TAFA1: variants seen among roughly 807,000 people sequenced by gnomAD.
The protein encoded by TAFA1 is TAFA chemokine like family member 1, also known as chemokine-like protein TAFA-1.
In TAFA1, 4 loss-of-function variants were observed where a neutral mutation model predicts 18.5. The observed-to-expected ratio is 0.22, with a 90% CI of 0.11 to 0.49. The LOEUF (loss-of-function observed/expected upper bound fraction) is 0.49, where lower values mean the gene tolerates loss of function less well. Ranked by LOEUF, TAFA1 falls within the 20% of genes least tolerant of loss-of-function variation. The pLI, the probability that TAFA1 is intolerant of heterozygous loss-of-function variation, is 0.98. For missense variants in TAFA1, 147 were observed against 169.0 expected, an observed-to-expected ratio of 0.87 and a Z score of 0.72; for synonymous variants, 56 against 55.2, an observed-to-expected ratio of 1.01 and a Z score of -0.06.
At chr3:68,110,615 G>C (rs1416611213) in intron 2 of TAFA1, among the ~76,000 whole-genome samples, 1 of 152,112 alleles carries the variant, frequency 6.6e-6, no homozygotes, top group Non-Finnish European at 1.5e-5. Context: ...TGGAAACCAG[G>C]AGGCAAGGTA....
At chr3:68,173,135 TA>T (rs991031160) in intron 2 of TAFA1, among the ~76,000 whole-genome samples, 7 of 151,938 alleles carry the variant, frequency 4.6e-5, no homozygotes, top group African/African-American at 1.7e-4. Context: ...AATGATTATG[TA>T]AAAAAGCTAC....
chr3:68,449,457 A>G (rs2071531835), intron 3 of TAFA1, among the ~76,000 whole-genome samples: 1 of 152,196 alleles, frequency 6.6e-6, no homozygotes, highest in Non-Finnish European at 1.5e-5. Context: ...TCTTCTAAGT[A>G]GGTGATTTAC....
At chr3:68,169,972 C>A (rs1302360515) in intron 2 of TAFA1, among the ~76,000 whole-genome samples, 6 of 152,130 alleles carry the variant, frequency 3.9e-5, no homozygotes, top group Admixed American at 3.9e-4. Context: ...AAGTACTCCC[C>A]AAAATCTGCT....
intron 2 of TAFA1, among the ~76,000 whole-genome samples, chr3:68,356,783 T>C (rs1391596063): frequency 4.6e-5 from 7 of 152,002 alleles, no homozygotes; most frequent in Non-Finnish European, 4.4e-5. Flanking sequence ...CATACACACA[T>C]ACATACATGC....
intron 2 of TAFA1, among the ~76,000 whole-genome samples, chr3:68,166,506 A>C (rs2065983450): frequency 6.6e-6 from 1 of 152,114 alleles, no homozygotes; most frequent in African/African-American, 2.4e-5. Flanking sequence ...CACCCCTAGA[A>C]AGGTAAAGCT....
intron 2 of TAFA1, among the ~76,000 whole-genome samples, chr3:68,200,137 T>C (rs527302311): frequency 4.0e-5 from 6 of 151,656 alleles, no homozygotes; most frequent in Admixed American, 3.9e-4. Context: ...ATGAATTATA[T>C]TAATTGATTT....
intron 2 of TAFA1, among the ~76,000 whole-genome samples, chr3:68,344,555 A>T (rs2069134922): frequency 6.6e-6 from 1 of 152,182 alleles, no homozygotes; most frequent in African/African-American, 2.4e-5. Context: ...TTAACATAGG[A>T]GTTCATTATT....
upstream of TAFA1, among the ~76,000 whole-genome samples, chr3:67,999,280 C>CT (rs1206118563): frequency 3.8e-4 from 57 of 149,870 alleles, no homozygotes; most frequent in Admixed American, 1.0e-3. Context: ...CCCCCCCCCC[C>CT]CTCTCTCTGT....
chr3:68,328,589 G>A (rs2068812517), intron 2 of TAFA1, among the ~76,000 whole-genome samples: 2 of 152,170 alleles, frequency 1.3e-5, no homozygotes, highest in Non-Finnish European at 2.9e-5. Flanking sequence ...CATTTTCCAG[G>A]GATTTGCATA....
At chr3:68,080,058 C>T (rs912922252) in intron 2 of TAFA1, among the ~76,000 whole-genome samples, 11 of 151,990 alleles carry the variant, frequency 7.2e-5, no homozygotes, top group Admixed American at 2.6e-4. Context: ...ATCCCTTTAC[C>T]ATTATGTAAT....
intron 2 of TAFA1, among the ~76,000 whole-genome samples, chr3:68,080,601 G>T (rs1264093242): frequency 2.6e-5 from 4 of 152,042 alleles, no homozygotes; most frequent in Non-Finnish European, 5.9e-5. Flanking sequence ...ATGAAATTCT[G>T]GGTTGAAAAT....
chr3:68,360,845 A>C (rs778546182), intron 2 of TAFA1, among the ~76,000 whole-genome samples: 1 of 152,062 alleles, frequency 6.6e-6, no homozygotes, highest in South Asian at 2.1e-4. Flanking sequence ...TACTCTAATG[A>C]AAACTAGAAG....
the TAFA1 span, among the ~76,000 whole-genome samples, chr3:67,992,715 C>A: frequency 1.3e-5 from 2 of 152,302 alleles, no homozygotes; most frequent in South Asian, 4.1e-4. Flanking sequence ...TAGTCTGTAA[C>A]CTTCATTTAG....
rs1024279251 is a variant in TAFA1, at chr3:68,019,327, A to T, written c.118+12583A>T. On this transcript the variant is annotated intron_variant, in intron 2 of 4. Coordinates refer to ENST00000478136, the MANE Select transcript of TAFA1 (RefSeq NM_213609.4). ...AGTGCCTAATTTTCAAGCATTTTTT[A>T]CAGAGTTATTGTTTCCCAATAAATT... is the stretch of plus-strand genomic sequence containing the variant. Among the ~76,000 whole-genome samples the T allele has an allele frequency of 4.6e-5, 7 of 152,192 alleles. 1 individual carries two copies. In the South Asian group the frequency reaches 1.2e-3, roughly 27 times the overall value.
At chr3:68,323,311 A>G (rs1457497779) in intron 2 of TAFA1, among the ~76,000 whole-genome samples, 2 of 152,204 alleles carry the variant, frequency 1.3e-5, no homozygotes, top group African/African-American at 2.4e-5. Flanking sequence ...CCAGCTGTAA[A>G]CAATTCACTG....
chr3:68,107,555 G>C (rs908182082), intron 2 of TAFA1, among the ~76,000 whole-genome samples: 5 of 152,048 alleles, frequency 3.3e-5, no homozygotes, highest in African/African-American at 1.2e-4. Context: ...TTTGGGATCT[G>C]GTTCTACAGT....
At chr3:68,170,863 A>AACACACAC (rs71112619) in intron 2 of TAFA1, among the ~76,000 whole-genome samples, 3 of 146,158 alleles carry the variant, frequency 2.1e-5, no homozygotes, top group African/African-American at 7.4e-5. Flanking sequence ...CACACACAGA[A>AACACACAC]ACACACACAC....
intron 3 of TAFA1, among the ~76,000 whole-genome samples, chr3:68,505,564 C>G (rs1376128987): frequency 6.6e-6 from 1 of 152,172 alleles, no homozygotes. Context: ...TCAGTGCCAG[C>G]TGGGCTGTGT....
At chr3:68,155,386 G>C (rs916758848) in intron 2 of TAFA1, among the ~76,000 whole-genome samples, 2 of 152,168 alleles carry the variant, frequency 1.3e-5, no homozygotes, top group Non-Finnish European at 1.5e-5. Context: ...ACGTTAGTCA[G>C]TTTGTAGATT....
Sources: gnomAD v4.1 joint callset for allele counts (sites outside exome capture counted in the v4.1 genomes callset) on GRCh38, gnomAD v4.1.1 for gene constraint, MANE v1.5 for transcripts, NCBI Gene and HGNC (gene_info 2026-07-23, HGNC 2026-07-21) for gene names.